FGF14: variants seen among roughly 807,000 people sequenced by gnomAD.
FGF14 encodes fibroblast growth factor 14.
FGF14 carries 5 observed loss-of-function variants against 25.5 expected under a neutral mutation model. That is an observed-to-expected ratio of 0.20 (90% CI 0.10 to 0.41). The LOEUF (loss-of-function observed/expected upper bound fraction) is 0.41. Among genes scored for constraint, FGF14 ranks in the 10% least tolerant of loss-of-function variants. The probability of loss-of-function intolerance (pLI) is 1.00; values close to 1 mark genes in which losing one functional copy is unlikely to be tolerated. For missense variants in FGF14, 222 were observed against 320.1 expected, an observed-to-expected ratio of 0.69 and a Z score of 2.34; for synonymous variants, 138 against 118.3, an observed-to-expected ratio of 1.17 and a Z score of -1.08.
intron 1 of FGF14, among the ~76,000 whole-genome samples, chr13:102,259,741 T>C (rs773148519): frequency 2.6e-5 from 4 of 152,166 alleles, no homozygotes; most frequent in Non-Finnish European, 2.9e-5. Flanking sequence ...AGCAGAGTTA[T>C]AGATAAAGAT....
At chr13:101,815,940 A>C (rs560276683) in intron 3 of FGF14, among the ~76,000 whole-genome samples, 6 of 152,216 alleles carry the variant, frequency 3.9e-5, no homozygotes, top group African/African-American at 1.4e-4. Context: ...GTCAAATTAA[A>C]ACTTTGATCA....
chr13:101,785,954 G>C (rs936955543), intron 3 of FGF14, among the ~76,000 whole-genome samples: 6 of 152,174 alleles, frequency 3.9e-5, no homozygotes, highest in Non-Finnish European at 8.8e-5. Flanking sequence ...AACTGAACTG[G>C]ACATAAGATT....
intron 1 of FGF14, among the ~76,000 whole-genome samples, chr13:102,013,176 A>T (rs1352273957): frequency 6.6e-6 from 1 of 152,108 alleles, no homozygotes; most frequent in African/African-American, 2.4e-5. Flanking sequence ...AGAAACAAAC[A>T]AAAAACACCA....
chr13:102,284,803 G>A (rs990662643), intron 1 of FGF14, among the ~76,000 whole-genome samples: 13 of 151,980 alleles, frequency 8.6e-5, no homozygotes, highest in African/African-American at 2.2e-4. Flanking sequence ...ATTTTTTACC[G>A]AGGAGTAAAG....
At chr13:102,123,883 C>G (rs1420819399) in intron 1 of FGF14, among the ~76,000 whole-genome samples, 1 of 152,146 alleles carries the variant, frequency 6.6e-6, no homozygotes, top group Admixed American at 6.6e-5. Context: ...AGCCTAGAAA[C>G]AGACACATAA....
At chr13:102,201,112 A>C (rs1464190464) in intron 1 of FGF14, among the ~76,000 whole-genome samples, 1 of 91,876 alleles carries the variant, frequency 1.1e-5, no homozygotes, top group South Asian at 3.3e-4. Flanking sequence ...CAAAAAAAAA[A>C]AAAAAAAAAA....
At chr13:102,245,733 T>G (rs962074111) in intron 1 of FGF14, among the ~76,000 whole-genome samples, 1 of 152,090 alleles carries the variant, frequency 6.6e-6, no homozygotes, top group African/African-American at 2.4e-5. Flanking sequence ...ATAAGCACAC[T>G]GCGTGTGTTG....
chr13:102,024,941 G>GTATATA (rs35005396), intron 1 of FGF14, among the ~76,000 whole-genome samples: 13 of 149,274 alleles, frequency 8.7e-5, no homozygotes, highest in African/African-American at 2.7e-4. Flanking sequence ...TTTTACTGGT[G>GTATATA]TATATATATA....
chr13:101,848,004 G>T lies in FGF14; in HGVS notation c.408+20721C>A, dbSNP rs188979624. Among the ~76,000 whole-genome samples the T allele has an allele frequency of 6.7e-3, 1,021 of 152,082 alleles. 10 individuals carry two copies. The highest frequency in any genetic ancestry group is 0.018 in the South Asian group (86 of 4,818). Reference sequence around the variant, plus strand: ...TAGGAAAGCAGGTCTATTTGTCAACGCAAGCAGGGAACTCTCATCTTTATG... The same window carrying T: ...TAGGAAAGCAGGTCTATTTGTCAACTCAAGCAGGGAACTCTCATCTTTATG... On this transcript the variant is annotated intron_variant, in intron 3 of 4. Coordinates refer to ENST00000376143, the MANE Select transcript of FGF14 (RefSeq NM_004115.4).
rs531708683 is a variant in FGF14 at position 102,118,255 on chromosome 13, C to A, written c.209-242959G>T. Among the ~76,000 whole-genome samples, 5 of 151,664 alleles carry A rather than the reference C, an allele frequency of 3.3e-5. 1 individual carries two copies. Among genetic ancestry groups the A allele is most frequent in the African/African-American group, 1.2e-4 (5 of 41,370 alleles). ...ATTTTGACATCATTGTAGTTATATA[C>A]GTATGGGATAAATAAATATATTGTT... is the stretch of plus-strand genomic sequence containing the variant. On this transcript the variant is annotated intron_variant, in intron 1 of 4. Transcript: ENST00000376131.
At chr13:102,166,766 C>T (rs1306692705) in intron 1 of FGF14, among the ~76,000 whole-genome samples, 2 of 152,078 alleles carry the variant, frequency 1.3e-5, no homozygotes. Context: ...AAGGCGTCTT[C>T]CAATAGAAAC....
intron 3 of FGF14, among the ~76,000 whole-genome samples, chr13:101,745,449 A>G (rs2036827156): frequency 6.6e-6 from 1 of 152,100 alleles, no homozygotes; most frequent in Non-Finnish European, 1.5e-5. Context: ...ACGCATTACT[A>G]TTATAGTATC....
intron 1 of FGF14, among the ~76,000 whole-genome samples, chr13:101,951,244 A>G (rs2036150299): frequency 6.6e-6 from 1 of 152,196 alleles, no homozygotes; most frequent in Non-Finnish European, 1.5e-5. Context: ...TGATGTTCAT[A>G]TGATTTGATG....
At chr13:102,241,437 C>T (rs764538842) in intron 1 of FGF14, among the ~76,000 whole-genome samples, 1 of 152,092 alleles carries the variant, frequency 6.6e-6, no homozygotes, top group Admixed American at 6.6e-5. Flanking sequence ...AACACAACAG[C>T]CCTGTTCTTT....
At chr13:102,210,434 C>G (rs982222632) in intron 1 of FGF14, among the ~76,000 whole-genome samples, 1 of 151,924 alleles carries the variant, frequency 6.6e-6, no homozygotes, top group African/African-American at 2.4e-5. Context: ...AAAATGGAAA[C>G]ATTTACATTA....
intron 3 of FGF14, among the ~76,000 whole-genome samples, chr13:101,819,011 T>C (rs2041981441): frequency 6.6e-6 from 1 of 152,150 alleles, no homozygotes; most frequent in African/African-American, 2.4e-5. Context: ...TCTTGAGCAG[T>C]TACAAATTTA....
intron 1 of FGF14, among the ~76,000 whole-genome samples, chr13:102,054,446 A>G (rs936669826): frequency 6.6e-6 from 1 of 152,190 alleles, no homozygotes; most frequent in Non-Finnish European, 1.5e-5. Flanking sequence ...CATCTCCCCT[A>G]TAAGACAATG....
At chr13:102,037,091 G>T (rs1269622376) in intron 1 of FGF14, among the ~76,000 whole-genome samples, 1 of 152,096 alleles carries the variant, frequency 6.6e-6, no homozygotes, top group East Asian at 1.9e-4. Context: ...TTGAGAGTTT[G>T]TTGGTGACTA....
chr13:102,252,559 A>G (rs537770860), intron 1 of FGF14, among the ~76,000 whole-genome samples: 2 of 152,232 alleles, frequency 1.3e-5, no homozygotes, highest in East Asian at 1.9e-4. Context: ...TATACTTTCA[A>G]TCATCTCCAG....
Sources: gnomAD v4.1 joint callset for allele counts (sites outside exome capture counted in the v4.1 genomes callset) on GRCh38, gnomAD v4.1.1 for gene constraint, MANE v1.5 for transcripts, NCBI Gene and HGNC (gene_info 2026-07-23, HGNC 2026-07-21) for gene names.